MTHFD1: variants seen among roughly 807,000 people sequenced by gnomAD.
MTHFD1 encodes the protein C-1-tetrahydrofolate synthase, cytoplasmic.
A neutral mutation model predicts 110.3 loss-of-function variants in MTHFD1; 44 were observed. The observed-to-expected ratio is 0.40, with a 90% CI of 0.31 to 0.51. The LOEUF (loss-of-function observed/expected upper bound fraction) is 0.51. Ranked by LOEUF, MTHFD1 falls within the 20% of genes least tolerant of loss-of-function variation. The pLI, the probability that MTHFD1 is intolerant of heterozygous loss-of-function variation, is 0.60. For synonymous variants in MTHFD1, 402 were observed against 428.8 expected (o/e 0.94, Z 0.77); for missense variants, 909 against 1,173.1 (o/e 0.77, Z 3.29).
rs569980580 is a variant in MTHFD1 at position 64,447,740 on chromosome 14, G to A, written c.2179-477G>A. 1.3e-4 allele frequency among the ~76,000 whole-genome samples: 20 copies of A among 152,124 alleles called. No individual in the cohort carries two copies. The East Asian group carries it at 3.7e-3, about 28-fold the overall frequency. ...GCAGTATTTACGGCAGCCATATAAC[G>A]AATACCTCTTCTGTGCCAGCCACTA... is the stretch of plus-strand genomic sequence containing the variant. On this transcript the variant is annotated intron_variant, in intron 22 of 27. Transcript: ENST00000652337.
intron 24 of MTHFD1, among the ~76,000 whole-genome samples, chr14:64,450,119 GCTTA>G (rs1414885573): frequency 6.6e-6 from 1 of 152,194 alleles, no homozygotes; most frequent in Admixed American, 6.5e-5. Flanking sequence ...ATATGCCACT[GCTTA>G]CTTACAGAGG....
chr14:64,450,310 G>A (rs986299189), intron 24 of MTHFD1, among the ~76,000 whole-genome samples: 14 of 152,186 alleles, frequency 9.2e-5, no homozygotes, highest in Admixed American at 6.5e-5. Flanking sequence ...GGGCTGCATC[G>A]AGCTTACAAA....
chr14:64,458,250 T>A lies in MTHFD1; in HGVS notation c.2755T>A (p.Phe919Ile), dbSNP rs2140993701. Reference sequence around the variant, plus strand: ...GCCTGGACTCCCCACCCGGCCCTGTTTTTATGATATTGATTTGGACCCTGA... The same window carrying A: ...GCCTGGACTCCCCACCCGGCCCTGTATTTATGATATTGATTTGGACCCTGA... ...TMPGLPTRPC[F>I]YDIDLDPETE... The change falls in exon 27 of 28, where the codon TTT becomes ATT. Residue 919 changes from phenylalanine (F) to isoleucine (I), a missense_variant. Coordinates refer to ENST00000652337, the MANE Select transcript of MTHFD1 (RefSeq NM_005956.4). 1 of 1,613,722 alleles carries A rather than the reference T, an allele frequency of 6.2e-7. No homozygotes were observed. The highest frequency in any genetic ancestry group is 8.5e-7 in the Non-Finnish European group (1 of 1,179,650).
chr14:64,397,591 C>A (rs886078055), intron 1 of MTHFD1, among the ~76,000 whole-genome samples: 1 of 152,104 alleles, frequency 6.6e-6, no homozygotes, highest in South Asian at 2.1e-4. Flanking sequence ...TCATGCCCGG[C>A]CCGAAGCCCT....
intron 26 of MTHFD1, 45 bp from the exon 27 acceptor site, chr14:64,458,169 C>G: frequency 6.9e-7 from 1 of 1,449,754 alleles, no homozygotes; most frequent in South Asian, 1.1e-5. Context: ...GCGTGAGCCA[C>G]TGTGCCCAGC....
chr14:64,401,220 T>C (rs2077893870), intron 2 of MTHFD1, among the ~76,000 whole-genome samples: 1 of 152,154 alleles, frequency 6.6e-6, no homozygotes, highest in Non-Finnish European at 1.5e-5. Flanking sequence ...TGGAATGTAG[T>C]AGTGCAATCA....
intron 4 of MTHFD1, among the ~76,000 whole-genome samples, chr14:64,414,392 A>G (rs767412704): frequency 6.8e-6 from 1 of 147,010 alleles, no homozygotes; most frequent in Non-Finnish European, 1.5e-5. Context: ...CCTGGGTTCA[A>G]GCGATTCTCA....
At chr14:64,441,535 G>A (rs780837164) in intron 19 of MTHFD1, 82 bp downstream of exon 19, 63 of 1,319,824 alleles carry the variant, frequency 4.8e-5, no homozygotes, top group African/African-American at 1.9e-4. Flanking sequence ...TGCAAGGCGC[G>A]GTGGCTCACA....
chr14:64,425,666 T>C, intron 9 of MTHFD1, 64 bp from the exon 10 acceptor site: 1 of 1,350,518 alleles, frequency 7.4e-7, no homozygotes, highest in South Asian at 1.2e-5. Flanking sequence ...ACCTGGAGCT[T>C]GAAACTGAGG....
At position 64,416,641 on chromosome 14, in the gene MTHFD1, A is replaced by G. The variant is rs534395371; in HGVS notation, c.478+902A>G. ...GAAGTAGGTCAGAAGTTTCAAGTGGAAAGTTTTGGCCAGCATAAATGAAAA... is the reference window on the plus strand; with the variant it reads ...GAAGTAGGTCAGAAGTTTCAAGTGGGAAGTTTTGGCCAGCATAAATGAAAA... On this transcript the variant is annotated intron_variant, in intron 6 of 27. Coordinates refer to ENST00000652337, the MANE Select transcript of MTHFD1 (RefSeq NM_005956.4). Among the ~76,000 whole-genome samples, 17 of 152,362 alleles carry G rather than the reference A, an allele frequency of 1.1e-4. 1 individual carries two copies. The South Asian group carries it at 3.1e-3, about 28-fold the overall frequency.
At chr14:64,444,015 T>G (rs1019380951) in intron 21 of MTHFD1, among the ~76,000 whole-genome samples, 1 of 149,214 alleles carries the variant, frequency 6.7e-6, no homozygotes, top group Non-Finnish European at 1.5e-5. Flanking sequence ...CACTATCCAC[T>G]GCCCATGGTG....
chr14:64,443,848 A>C (rs1302867589), intron 21 of MTHFD1, among the ~76,000 whole-genome samples: 1 of 152,150 alleles, frequency 6.6e-6, no homozygotes, highest in Non-Finnish European at 1.5e-5. Context: ...ACATTTGCAC[A>C]TATGGCTCTG....
intron 1 of MTHFD1, among the ~76,000 whole-genome samples, chr14:64,392,356 T>C (rs1390202394): frequency 1.3e-5 from 2 of 152,336 alleles, no homozygotes; most frequent in African/African-American, 4.8e-5. Context: ...AGACCCACCT[T>C]GCTTTGTAGG....
chr14:64,452,489 G>C (rs1037837410), intron 24 of MTHFD1, among the ~76,000 whole-genome samples: 2 of 152,188 alleles, frequency 1.3e-5, no homozygotes, highest in African/African-American at 4.8e-5. Context: ...CAGCATTTAA[G>C]AAGCCAGCTC....
intron 4 of MTHFD1, among the ~76,000 whole-genome samples, chr14:64,414,511 C>G (rs2078010413): frequency 6.6e-6 from 1 of 151,884 alleles, no homozygotes. Context: ...AGGCTGGTTT[C>G]AAACTCCTGG....
chr14:64,430,880 T>G (rs866797325), intron 13 of MTHFD1, among the ~76,000 whole-genome samples: 1 of 152,108 alleles, frequency 6.6e-6, no homozygotes, highest in Non-Finnish European at 1.5e-5. Context: ...ATAGAGTCGG[T>G]GCTGCTCCCG....
intron 6 of MTHFD1, among the ~76,000 whole-genome samples, chr14:64,415,995 C>T (rs898169093): frequency 6.6e-6 from 1 of 152,184 alleles, no homozygotes; most frequent in African/African-American, 2.4e-5. Flanking sequence ...TATCCCAGCA[C>T]TTTGGGAGGC....
At chr14:64,400,935 T>C in intron 2 of MTHFD1, 58 bp downstream of exon 2, 1 of 1,234,546 alleles carries the variant, frequency 8.1e-7, no homozygotes, top group Non-Finnish European at 1.2e-6. Flanking sequence ...CAGTATCATT[T>C]CAGACCTCTC....
chr14:64,444,585 ACAGCCTGCAAGCAT>A, intron 21 of MTHFD1, 94 bp from the exon 22 acceptor site: 1 of 1,221,924 alleles, frequency 8.2e-7, no homozygotes, highest in Non-Finnish European at 1.2e-6. Flanking sequence ...ATACTACTGT[ACAGCCTGCAAGCAT>A]TGCAGCGTCT....
Sources: gnomAD v4.1 joint callset for allele counts (sites outside exome capture counted in the v4.1 genomes callset) on GRCh38, gnomAD v4.1.1 for gene constraint, MANE v1.5 for transcripts, NCBI Gene and HGNC (gene_info 2026-07-23, HGNC 2026-07-21) for gene names.